ZPBP: variants seen among roughly 807,000 people sequenced by gnomAD.
The protein encoded by ZPBP is zona pellucida binding protein.
ZPBP carries 26 observed loss-of-function variants against 44.8 expected under a neutral mutation model. That is an observed-to-expected ratio of 0.58 (90% confidence interval 0.43 to 0.81). ZPBP has a LOEUF of 0.81. Ranked by LOEUF, ZPBP falls within the 30% of genes least tolerant of loss-of-function variation. The pLI, the probability that ZPBP is intolerant of heterozygous loss-of-function variation, is 0.00. For missense variants in ZPBP, 409 were observed against 434.0 expected, an observed-to-expected ratio of 0.94 and a Z score of 0.51; for synonymous variants, 174 against 153.2, an observed-to-expected ratio of 1.14 and a Z score of -1.00.
At chr7:49,972,688 T>C (rs556869556) in intron 7 of ZPBP, among the ~76,000 whole-genome samples, 1 of 152,102 alleles carries the variant, frequency 6.6e-6, no homozygotes, top group East Asian at 1.9e-4. Context: ...ATTGTCCCTA[T>C]CAAAATGTCA....
chr7:50,082,554 C>A (rs759417563), intron 2 of ZPBP, among the ~76,000 whole-genome samples: 1 of 151,734 alleles, frequency 6.6e-6, no homozygotes, highest in Non-Finnish European at 1.5e-5. Context: ...GTTGCAACAA[C>A]CCTTTAGACT....
chr7:49,963,226 T>C (rs1209811283), intron 7 of ZPBP, among the ~76,000 whole-genome samples: 2 of 151,578 alleles, frequency 1.3e-5, no homozygotes, highest in Non-Finnish European at 3.0e-5. Flanking sequence ...TTTTAAGAGA[T>C]GGACAACAGA....
chr7:49,907,949 C>A (rs1793194502), intron 1 of ZPBP, among the ~76,000 whole-genome samples: 1 of 152,048 alleles, frequency 6.6e-6, no homozygotes, highest in South Asian at 2.1e-4. Context: ...CCAGACTCTT[C>A]ATTAATTCTC....
At chr7:50,085,521 C>A (rs1802591838) in intron 2 of ZPBP, among the ~76,000 whole-genome samples, 1 of 152,010 alleles carries the variant, frequency 6.6e-6, no homozygotes, top group African/African-American at 2.4e-5. Flanking sequence ...GCCTGGCAGC[C>A]AATGAAGGGG....
At chr7:49,979,620 A>G (rs571138756) in intron 7 of ZPBP, among the ~76,000 whole-genome samples, 2 of 151,496 alleles carry the variant, frequency 1.3e-5, no homozygotes, top group Non-Finnish European at 3.0e-5. Flanking sequence ...CTGACATTCA[A>G]AACTACTACT....
intron 2 of ZPBP, among the ~76,000 whole-genome samples, chr7:49,861,122 A>G (rs1432070460): frequency 6.6e-6 from 1 of 152,206 alleles, no homozygotes; most frequent in African/African-American, 2.4e-5. Flanking sequence ...AAGGGTTTCA[A>G]TTTACAAGCA....
chr7:50,014,816 G>A (rs2128803352), intron 6 of ZPBP, among the ~76,000 whole-genome samples: 1 of 151,928 alleles, frequency 6.6e-6, no homozygotes, highest in Admixed American at 6.6e-5. Flanking sequence ...AACATCACTG[G>A]GACAAGTATG....
chr7:50,012,803 G>T (rs984841519), intron 6 of ZPBP, among the ~76,000 whole-genome samples: 1 of 150,628 alleles, frequency 6.6e-6, no homozygotes, highest in African/African-American at 2.4e-5. Flanking sequence ...AGAGAAAACA[G>T]AATACATAAA....
At chr7:50,030,501 T>A (rs74918285) in intron 5 of ZPBP, among the ~76,000 whole-genome samples, 12 of 149,864 alleles carry the variant, frequency 8.0e-5, no homozygotes, top group East Asian at 5.9e-4. Flanking sequence ...AATAATAATT[T>A]AAAAAAAAAC....
intron 4 of ZPBP, 40 bp downstream of exon 4, chr7:50,057,949 C>T: frequency 6.4e-7 from 1 of 1,567,068 alleles, no homozygotes; most frequent in Non-Finnish European, 8.7e-7. Flanking sequence ...TGTTTAAAAT[C>T]ATTAAGAAAG....
chr7:49,908,981 T>C (rs1350187883), intron 1 of ZPBP, among the ~76,000 whole-genome samples: 1 of 152,198 alleles, frequency 6.6e-6, no homozygotes, highest in Admixed American at 6.5e-5. Context: ...TGCCCTGACA[T>C]AGAAAGATTA....
At chr7:50,077,165 A>C (rs905455509) in intron 3 of ZPBP, among the ~76,000 whole-genome samples, 3 of 151,930 alleles carry the variant, frequency 2.0e-5, no homozygotes, top group Admixed American at 6.6e-5. Context: ...AGTCTCTTCA[A>C]TAAGTGGTTC....
At chr7:50,044,864 C>G (rs1039504511) in intron 4 of ZPBP, among the ~76,000 whole-genome samples, 1 of 152,036 alleles carries the variant, frequency 6.6e-6, no homozygotes, top group Non-Finnish European at 1.5e-5. Flanking sequence ...AAAAAAAGAA[C>G]ATTTCAGGCC....
intron 3 of ZPBP, among the ~76,000 whole-genome samples, chr7:50,064,619 C>T (rs968821227): frequency 1.8e-4 from 28 of 152,188 alleles, no homozygotes; most frequent in Admixed American, 6.5e-5. Context: ...AATTAGAATT[C>T]AGTGATATTT....
At chr7:50,052,437 G>A (rs978903526) in intron 4 of ZPBP, among the ~76,000 whole-genome samples, 1 of 152,080 alleles carries the variant, frequency 6.6e-6, no homozygotes, top group Non-Finnish European at 1.5e-5. Context: ...TAAAACAAAA[G>A]ATAATTATAA....
At chr7:49,889,240 G>A (rs954459813) in intron 2 of ZPBP, among the ~76,000 whole-genome samples, 5 of 152,276 alleles carry the variant, frequency 3.3e-5, no homozygotes, top group Admixed American at 3.3e-4. Context: ...TGGAGAAGGG[G>A]CATTTCCTGG....
intron 7 of ZPBP, 148 bp from the exon 8 acceptor site, chr7:49,937,770 G>A (rs1262903058): frequency 4.6e-6 from 3 of 648,140 alleles, no homozygotes; most frequent in African/African-American, 3.6e-5. Flanking sequence ...TTTTCATCTT[G>A]CAAAACTGCA....
intron 2 of ZPBP, among the ~76,000 whole-genome samples, chr7:49,883,460 C>T (rs960317480): frequency 1.3e-5 from 2 of 152,056 alleles, no homozygotes; most frequent in African/African-American, 4.8e-5. Context: ...AATGATATAT[C>T]CATGGCATTA....
chr7:49,906,154 T>A (rs138073007), intron 1 of ZPBP, among the ~76,000 whole-genome samples: 1 of 152,330 alleles, frequency 6.6e-6, no homozygotes, highest in African/African-American at 2.4e-5. Context: ...ATAAACTTGC[T>A]TTCACTTTAC....
Sources: allele counts gnomAD v4.1 joint callset (sites outside exome capture counted in the v4.1 genomes callset), GRCh38; gene constraint gnomAD v4.1.1; transcripts MANE v1.5; gene names NCBI Gene and HGNC (gene_info 2026-07-23, HGNC 2026-07-21).